Variants in UBAC2 observed in about 807,000 individuals in gnomAD.
The protein encoded by UBAC2 is UBA domain containing 2.
A neutral mutation model predicts 44.0 loss-of-function variants in UBAC2; 26 were observed. The observed-to-expected ratio is 0.59, with a 90% confidence interval of 0.43 to 0.82. UBAC2 has a LOEUF of 0.82. Among genes scored for constraint, UBAC2 ranks in the 40% least tolerant of loss-of-function variants. The pLI, the probability that UBAC2 is intolerant of heterozygous loss-of-function variation, is 0.00. For synonymous variants in UBAC2, 155 were observed against 154.3 expected, an observed-to-expected ratio of 1.00 and a Z score of -0.04; for missense variants, 329 against 419.4, an observed-to-expected ratio of 0.78 and a Z score of 1.88.
Position 99,359,137 on chromosome 13 carries a change from G to A in UBAC2, c.808-8650G>A, listed in dbSNP as rs187135343. Among the ~76,000 whole-genome samples, 4 of 152,272 alleles carry A rather than the reference G, an allele frequency of 2.6e-5. No individual in the cohort carries two copies. In the East Asian group the frequency reaches 5.8e-4, roughly 22 times the overall value. Reference sequence around the variant, plus strand: ...GTAGCTAGAGGGCTAGAAAGAAAGCGGGATGCCACAAAGCCTGGGGAAGAG... The same window carrying A: ...GTAGCTAGAGGGCTAGAAAGAAAGCAGGATGCCACAAAGCCTGGGGAAGAG... On this transcript the variant is annotated intron_variant, in intron 7 of 8. Coordinates refer to ENST00000403766, the MANE Select transcript of UBAC2 (RefSeq NM_001144072.2).
rs1313032648 is a variant in UBAC2, at chr13:99,241,238, C to T, written c.160-2594C>T. On this transcript the variant is annotated intron_variant, in intron 2 of 8. Coordinates refer to ENST00000403766, the MANE Select transcript of UBAC2 (RefSeq NM_001144072.2). Reference sequence around the variant, plus strand: ...TGTGATCACATCACTGCACTACAGCCTGGGCAACAGAGTGAGACCCTGTCT... The same window carrying T: ...TGTGATCACATCACTGCACTACAGCTTGGGCAACAGAGTGAGACCCTGTCT... Among the ~76,000 whole-genome samples the T allele has an allele frequency of 4.1e-5, 6 of 144,668 alleles. No individual in the cohort carries two copies. In the Admixed American group the frequency reaches 4.2e-4, roughly 10 times the overall value. 94.9% of individuals were successfully genotyped at this position (144,668 alleles called of 152,430 possible).
chr13:99,295,234 G>A lies in UBAC2; in HGVS notation c.390-18863G>A, dbSNP rs2044151269. 3 of 1,614,058 alleles carry A rather than the reference G, an allele frequency of 1.9e-6. No individual in the cohort carries two copies. The highest frequency in any genetic ancestry group is 2.7e-5 in the African/African-American group (2 of 75,016). The stretch of plus-strand genomic sequence containing the variant: ...TACATGCAAAGAAGTAGATAAAAGG[G>A]TCCATGCAGCAATTGAAGTTCATCA... On this transcript the variant is annotated intron_variant, in intron 4 of 8. Coordinates refer to ENST00000403766, the MANE Select transcript of UBAC2 (RefSeq NM_001144072.2). This position sits in a 1 kb window ranked among gnomAD's most constrained non-coding sequence, Gnocchi z 4.1.
chr13:99,201,719 C>G (rs1260445533), intron 1 of UBAC2: 4 of 739,944 alleles, frequency 5.4e-6, no homozygotes, highest in Non-Finnish European at 6.6e-6. Context: ...TGTCACTGTT[C>G]ATACTCCATG....
intron 4 of UBAC2, among the ~76,000 whole-genome samples, chr13:99,271,586 T>A (rs9517668): frequency 0.8 from 121,657 of 152,192 alleles, 49,504 homozygotes; most frequent in Middle Eastern, 0.91. Flanking sequence ...GGCCTGTGCT[T>A]TCTTTTCATT....
At chr13:99,349,531 G>C (rs148397372) in intron 7 of UBAC2, among the ~76,000 whole-genome samples, 7 of 152,178 alleles carry the variant, frequency 4.6e-5, no homozygotes, top group Non-Finnish European at 2.9e-5. Context: ...ATACAAGACC[G>C]GGGGTCAGGG....
chr13:99,384,984 G>A (rs534968620), intron 8 of UBAC2, among the ~76,000 whole-genome samples: 15 of 152,338 alleles, frequency 9.8e-5, no homozygotes, highest in Non-Finnish European at 2.1e-4. Context: ...CAGAAGCCCT[G>A]TGTCCTTGTC....
At chr13:99,216,082 T>TGTGTGTGTGTG (rs1566450747) in intron 1 of UBAC2, among the ~76,000 whole-genome samples, 71 of 148,852 alleles carry the variant, frequency 4.8e-4, no homozygotes, top group Admixed American at 4.0e-4. Context: ...CAACCTATAT[T>TGTGTGTGTGTG]TGTGTGTGTG....
intron 6 of UBAC2, among the ~76,000 whole-genome samples, chr13:99,328,309 C>T (rs2138800634): frequency 6.6e-6 from 1 of 152,270 alleles, no homozygotes; most frequent in Middle Eastern, 3.4e-3. Context: ...AATAATGCTG[C>T]TGTGAACATC....
chr13:99,219,512 A>G (rs1246393828), intron 1 of UBAC2, among the ~76,000 whole-genome samples: 5 of 152,228 alleles, frequency 3.3e-5, no homozygotes, highest in Non-Finnish European at 7.3e-5. Context: ...CATGGGCCAT[A>G]TGCGACCCAA....
chr13:99,375,801 C>CTTTTT (rs34318354), intron 8 of UBAC2, among the ~76,000 whole-genome samples: 11 of 110,888 alleles, frequency 9.9e-5, no homozygotes, highest in South Asian at 3.1e-4. Flanking sequence ...TCCTTTTTCC[C>CTTTTT]TTTTTTTTTT....
At chr13:99,340,240 A>T (rs1380886187) in intron 6 of UBAC2, 80 bp from the exon 7 acceptor site, 3 of 1,509,956 alleles carry the variant, frequency 2.0e-6, no homozygotes, top group East Asian at 4.5e-5. Flanking sequence ...CAGTGTCTGG[A>T]GGCTGCTGAT....
chr13:99,257,117 C>G (rs1295388313), intron 4 of UBAC2, among the ~76,000 whole-genome samples: 1 of 152,110 alleles, frequency 6.6e-6, no homozygotes, highest in African/African-American at 2.4e-5. Context: ...TTCTTCCCTT[C>G]TTCTCCTTCT....
chr13:99,306,147 C>T (rs555422536), intron 4 of UBAC2, among the ~76,000 whole-genome samples: 9 of 152,250 alleles, frequency 5.9e-5, no homozygotes, highest in South Asian at 2.1e-4. Flanking sequence ...CCGCCTGCCT[C>T]GGCCTCCCAA....
chr13:99,295,379 CAG>C lies in UBAC2; in HGVS notation c.390-18714_390-18713del, dbSNP rs1206927091. The C allele has an allele frequency of 6.2e-7, 1 of 1,613,958 alleles. No individual in the cohort carries two copies. The highest frequency in any genetic ancestry group is 1.3e-5 in the African/African-American group (1 of 74,980). On this transcript the variant is annotated intron_variant, in intron 4 of 8. Transcript: ENST00000403766. This position sits in a 1 kb window ranked among gnomAD's most constrained non-coding sequence, Gnocchi z 4.1. The stretch of plus-strand genomic sequence containing the variant: ...AATTGCAACATGGTAAGGTGTGAAA[CAG>C]AGAACAAACACAACAATAATAAGAA...
At chr13:99,249,848 G>A (rs2043436551) in intron 4 of UBAC2, among the ~76,000 whole-genome samples, 1 of 152,052 alleles carries the variant, frequency 6.6e-6, no homozygotes, top group Non-Finnish European at 1.5e-5. Flanking sequence ...TTTCTTGTGT[G>A]TTGGCCGCTT....
At chr13:99,314,026 T>C in intron 4 of UBAC2, 71 bp from the exon 5 acceptor site, 1 of 1,447,158 alleles carries the variant, frequency 6.9e-7, no homozygotes, top group Non-Finnish European at 9.4e-7. Flanking sequence ...GCAGTGTTAC[T>C]TCAAAGATAC....
chr13:99,248,074 C>T (rs1167856311), intron 4 of UBAC2, among the ~76,000 whole-genome samples: 1 of 152,186 alleles, frequency 6.6e-6, no homozygotes, highest in Non-Finnish European at 1.5e-5. Context: ...GACTTAGTTA[C>T]TGCGTGCAGC....
chr13:99,309,238 G>C (rs1333279540), intron 4 of UBAC2, among the ~76,000 whole-genome samples: 4 of 152,022 alleles, frequency 2.6e-5, no homozygotes, highest in Non-Finnish European at 2.9e-5. Flanking sequence ...AGCCTCCCGA[G>C]TAGCTGGGAC....
chr13:99,206,598 G>A (rs1206739668), intron 1 of UBAC2, among the ~76,000 whole-genome samples: 4 of 152,134 alleles, frequency 2.6e-5, no homozygotes, highest in Non-Finnish European at 5.9e-5. Context: ...TGGAGCCATG[G>A]TCTCATCCAG....
Sources: gnomAD v4.1 joint callset for allele counts (sites outside exome capture counted in the v4.1 genomes callset) on GRCh38, gnomAD v4.1.1 for gene constraint, Gnocchi (gnomAD v3.1) non-coding constraint, MANE v1.5 for transcripts, NCBI Gene and HGNC (gene_info 2026-07-23, HGNC 2026-07-21) for gene names.